The following ATG13 variants were observed in gnomAD, a reference collection of about 807,000 sequenced individuals.
ATG13 encodes autophagy related 13.
In ATG13, 23 loss-of-function variants were observed where a neutral mutation model predicts 65.5. The ratio of observed to expected loss-of-function variants is 0.35; its 90% CI spans 0.25 to 0.50. The LOEUF is 0.50. Ranked by LOEUF, ATG13 falls within the 20% of genes least tolerant of loss-of-function variation. The probability of loss-of-function intolerance (pLI) is 0.98; values close to 1 mark genes in which losing one functional copy is unlikely to be tolerated. For synonymous variants in ATG13, 252 were observed against 245.2 expected (o/e 1.03, Z -0.26); for missense variants, 566 against 677.0 (o/e 0.84, Z 1.82).
chr11:46,660,832 C>T (rs908514203), intron 11 of ATG13, among the ~76,000 whole-genome samples: 4 of 151,864 alleles, frequency 2.6e-5, no homozygotes, highest in East Asian at 1.9e-4. Flanking sequence ...CCTAAACCTC[C>T]GGAGTATCTG....
intron 2 of ATG13, among the ~76,000 whole-genome samples, chr11:46,636,060 T>C (rs948461483): frequency 6.6e-6 from 1 of 152,020 alleles, no homozygotes; most frequent in Non-Finnish European, 1.5e-5. Context: ...AGTGGGTATA[T>C]GTTTCAAATG....
intron 2 of ATG13, among the ~76,000 whole-genome samples, chr11:46,637,854 A>G (rs1362695584): frequency 6.6e-6 from 1 of 152,180 alleles, no homozygotes; most frequent in Non-Finnish European, 1.5e-5. Flanking sequence ...CAGGCTGACT[A>G]GAAGCAGGGC....
intron 2 of ATG13, among the ~76,000 whole-genome samples, chr11:46,641,754 T>C (rs2056093640): frequency 1.1e-5 from 1 of 87,154 alleles, no homozygotes; most frequent in Admixed American, 1.8e-4. Context: ...ATCTAAGTTA[T>C]ACCTGATTTT....
In ATG13 at chr11:46,665,053, C is replaced by G. The variant is rs73451885; in HGVS notation, c.999+94C>G. Reference sequence around the variant, plus strand: ...GTCTCTCAAGGCAGAGGGATATGTTCTAAGTGCTATATTCTGAAGCAAAAC... The same window carrying G: ...GTCTCTCAAGGCAGAGGGATATGTTGTAAGTGCTATATTCTGAAGCAAAAC... On this transcript the variant is annotated intron_variant, in intron 13 of 18. Transcript: ENST00000683050. 2.7e-3 allele frequency: 3,315 copies of G among 1,231,930 alleles called. 75 individuals are homozygous for G. The African/African-American group carries it at 0.045, about 17-fold the overall frequency. 76.3% of individuals were successfully genotyped at this position (1,231,930 alleles called of 1,614,324 possible). A position where few individuals can be genotyped will look rare whatever the true frequency, so the allele number is the denominator to read the frequency against.
At position 46,657,544 on chromosome 11, in the gene ATG13, C is replaced by G. The variant is rs1188228538; in HGVS notation, c.617C>G (p.Pro206Arg). 9.3e-6 allele frequency: 15 copies of G among 1,613,848 alleles called. No individual in the cohort carries two copies. Among genetic ancestry groups the G allele is most frequent in the Admixed American group, 1.7e-5 (1 of 60,006 alleles). ...TACAGGCAATTTGAGAGGACCCCAC[C>G]TATCATGGGGATTATTATTGATCAC... ...MSTRQFERTP[P>R]IMGIIIDHFV... Residue 206 changes from proline (P) to arginine (R), a missense_variant, in exon 10 of 19, where the codon CCT becomes CGT. Physicochemically the swap from Pro to Arg is moderately radical, Grantham distance 103 (BLOSUM62 -2). Transcript: ENST00000683050.
chr11:46,644,286 T>C lies in ATG13; in HGVS notation c.-6T>C, dbSNP rs1241040519. On this transcript the variant is annotated 5_prime_UTR_variant, in exon 3 of 19. Transcript: ENST00000683050. ...TTCACTTTTTTTTTTTAGATTCCTA[T>C]AGGCAATGGAAACTGATCTCAATTC... The C allele has an allele frequency of 1.9e-6, 3 of 1,592,710 alleles. No individual in the cohort carries two copies. The highest frequency in any genetic ancestry group is 2.6e-6 in the Non-Finnish European group (3 of 1,173,010).
At chr11:46,641,583 A>G (rs911469037) in intron 2 of ATG13, among the ~76,000 whole-genome samples, 1 of 152,178 alleles carries the variant, frequency 6.6e-6, no homozygotes, top group African/African-American at 2.4e-5. Flanking sequence ...ATAAATCAGT[A>G]ATTATTTCCT....
chr11:46,628,289 C>T (rs1328411518), intron 1 of ATG13, among the ~76,000 whole-genome samples: 1 of 151,958 alleles, frequency 6.6e-6, no homozygotes, highest in Non-Finnish European at 1.5e-5. Context: ...CTGGTCTCAG[C>T]TACTCGGGAG....
chr11:46,626,007 G>A (rs958077707), intron 1 of ATG13, among the ~76,000 whole-genome samples: 2 of 152,152 alleles, frequency 1.3e-5, no homozygotes, highest in South Asian at 2.1e-4. Context: ...CCAGGCTGGA[G>A]TACAGTGATG....
At chr11:46,665,061 T>C in intron 13 of ATG13, 102 bp downstream of exon 13, 2 of 1,185,262 alleles carry the variant, frequency 1.7e-6, no homozygotes, top group East Asian at 4.7e-5. Flanking sequence ...TTCTAAGTGC[T>C]ATATTCTGAA....
rs1284485912 is a variant in ATG13, at chr11:46,672,344, A to G, written c.*12A>G. Reference sequence around the variant, plus strand: ...AAACCCTGCAGTAAAAGTATCCTTGAGTCCCAGCAGCACCCCCTTTTTGTG... The same window carrying G: ...AAACCCTGCAGTAAAAGTATCCTTGGGTCCCAGCAGCACCCCCTTTTTGTG... On this transcript the variant is annotated 3_prime_UTR_variant, in exon 19 of 19. Coordinates refer to ENST00000683050, the MANE Select transcript of ATG13 (RefSeq NM_001346311.2). 1.2e-6 allele frequency: 2 copies of G among 1,614,180 alleles called. No homozygotes were observed. The highest frequency in any genetic ancestry group is 1.7e-6 in the Non-Finnish European group (2 of 1,180,002).
intron 1 of ATG13, among the ~76,000 whole-genome samples, chr11:46,627,486 T>A (rs1273785688): frequency 6.6e-6 from 1 of 152,084 alleles, no homozygotes; most frequent in Non-Finnish European, 1.5e-5. Context: ...AAAGCTTTTT[T>A]TGAGAAGAAG....
rs544330896 is a variant in ATG13, at chr11:46,654,132, A to C, written c.459-2101A>C. ...GATTTCCTGCTTTGTTAAGCCATCT[A>C]CTTAGAGATTTCTTCATGGCCAGGC... On this transcript the variant is annotated intron_variant, in intron 7 of 18. Coordinates refer to ENST00000683050, the MANE Select transcript of ATG13 (RefSeq NM_001346311.2). 3.6e-4 allele frequency among the ~76,000 whole-genome samples: 54 copies of C among 150,794 alleles called. 1 individual carries two copies. In the East Asian group the frequency reaches 5.8e-3, roughly 16 times the overall value.
chr11:46,628,142 G>A (rs981242272), intron 1 of ATG13, among the ~76,000 whole-genome samples: 1 of 150,644 alleles, frequency 6.6e-6, no homozygotes, highest in Non-Finnish European at 1.5e-5. Flanking sequence ...GGTAGCTCAC[G>A]CCTGTAATCC....
At chr11:46,622,480 G>C (rs1341737239) in intron 1 of ATG13, among the ~76,000 whole-genome samples, 1 of 152,026 alleles carries the variant, frequency 6.6e-6, no homozygotes, top group Non-Finnish European at 1.5e-5. Context: ...ATATAAACAA[G>C]AAACTGATTC....
chr11:46,631,251 G>T (rs772110752), intron 2 of ATG13, among the ~76,000 whole-genome samples: 7 of 152,084 alleles, frequency 4.6e-5, no homozygotes, highest in Non-Finnish European at 8.8e-5. Flanking sequence ...GAGTGCAGTG[G>T]TGCAATCATA....
chr11:46,647,673 G>C (rs1301824720), intron 5 of ATG13, among the ~76,000 whole-genome samples: 1 of 151,686 alleles, frequency 6.6e-6, no homozygotes, highest in African/African-American at 2.4e-5. Context: ...CTAGGTTCAG[G>C]GGATCCTCCC....
chr11:46,629,984 C>T (rs1051675481), intron 1 of ATG13, 61 bp from the exon 2 acceptor site: 13 of 152,140 alleles, frequency 8.5e-5, no homozygotes, highest in Admixed American at 5.9e-4. Flanking sequence ...GATGCGGTCT[C>T]GCTCTGTTGC....
chr11:46,650,276 G>T lies in ATG13; in HGVS notation c.417G>T (p.Arg139Ser), dbSNP rs1325392265. 6.2e-7 allele frequency: 1 copy of T among 1,613,888 alleles called. No individual in the cohort carries two copies. ...LAITRVTPAYRLSRKQGHEYV... is the reference protein window; with the variant it reads ...LAITRVTPAYSLSRKQGHEYV... ...TAACTAGGGTGACACCAGCCTATAG[G>T]CTCTCCAGGAAACAAGGGCATGAAT... Residue 139 changes from arginine (R) to serine (S), a missense_variant, in exon 7 of 19, where the codon AGG becomes AGT. Coordinates refer to ENST00000683050, the MANE Select transcript of ATG13 (RefSeq NM_001346311.2).
Sources: gnomAD v4.1 joint callset for allele counts (sites outside exome capture counted in the v4.1 genomes callset) on GRCh38, gnomAD v4.1.1 for gene constraint, MANE v1.5 for transcripts, NCBI Gene and HGNC (gene_info 2026-07-23, HGNC 2026-07-21) for gene names.